The following GTF2B variants were observed in gnomAD, a reference collection of about 807,000 sequenced individuals.
GTF2B encodes general transcription factor IIB, also known as transcription initiation factor IIB.
In GTF2B, 20 loss-of-function variants were observed where a neutral mutation model predicts 34.6. That is an observed-to-expected ratio of 0.58 (90% confidence interval 0.41 to 0.84). GTF2B has a LOEUF of 0.84. GTF2B is among the 40% of genes least tolerant of loss of function. The probability of loss-of-function intolerance (pLI) is 0.00; values close to 1 mark genes in which losing one functional copy is unlikely to be tolerated. For synonymous variants in GTF2B, 142 were observed against 132.4 expected, an observed-to-expected ratio of 1.07 and a Z score of -0.50; for missense variants, 237 against 393.3, an observed-to-expected ratio of 0.60 and a Z score of 3.36.
intron 2 of GTF2B, among the ~76,000 whole-genome samples, chr1:88,877,689 T>C (rs1297791487): frequency 6.6e-6 from 1 of 152,216 alleles, no homozygotes; most frequent in Non-Finnish European, 1.5e-5. Flanking sequence ...CCCAGCATTC[T>C]GGGAAGCCGA....
Position 88,856,291 on chromosome 1 carries a change from C to CAAAAAAAAAAAAAAAAAAAAAA in GTF2B, c.817+914_817+915insTTTTTTTTTTTTTTTTTTTTTT, listed in dbSNP as rs1162915523. 2.3e-5 allele frequency among the ~76,000 whole-genome samples: 2 copies of CAAAAAAAAAAAAAAAAAAAAAA among 86,170 alleles called. 1 individual carries two copies. The highest frequency in any genetic ancestry group is 4.3e-5 in the Non-Finnish European group (2 of 46,120). The allele number at this position is 86,170 out of a possible 152,430, so 56.5% of individuals were successfully genotyped here. A position where few individuals can be genotyped will look rare whatever the true frequency, so the allele number is the denominator to read the frequency against. On this transcript the variant is annotated intron_variant, in intron 6 of 6. Transcript: ENST00000370500. ...CAAAAACAAAAAAAAAAAAAAAAAACAAAAAAAAAAAAGGAAAAGAAATTC... is the reference window on the plus strand; with the variant it reads ...CAAAAACAAAAAAAAAAAAAAAAAACAAAAAAAAAAAAAAAAAAAAAAAAAAAAAAAAAAGGAAAAGAAATTC...
chr1:88,853,403 A>G, intron 6 of GTF2B, 57 bp from the exon 7 acceptor site: 1 of 1,476,426 alleles, frequency 6.8e-7, no homozygotes, highest in Non-Finnish European at 9.4e-7. Flanking sequence ...CCTTTCCACT[A>G]CCTGCATTGT....
At position 88,853,188 on chromosome 1, in the gene GTF2B, A is replaced by G; in HGVS notation, c.*25T>C. On this transcript the variant is annotated 3_prime_UTR_variant, in exon 7 of 7. Transcript: ENST00000370500. ...TACAACAGGCAAAGTTTTGTATTCAAGAATTTGACGTTAGCTGCCTCAATT... is the reference window on the plus strand; with the variant it reads ...TACAACAGGCAAAGTTTTGTATTCAGGAATTTGACGTTAGCTGCCTCAATT... 1 of 1,611,890 alleles carries G rather than the reference A, an allele frequency of 6.2e-7. No homozygotes were observed.
At position 88,857,504 on chromosome 1, in the gene GTF2B, T is replaced by G. The variant is rs1557652677; in HGVS notation, c.536-17A>C. On this transcript the variant is annotated splice_polypyrimidine_tract_variant and intron_variant, in intron 5 of 6. Coordinates refer to ENST00000370500, the MANE Select transcript of GTF2B (RefSeq NM_001514.6). ...CACATATTTCTAAAAGAAAAAAAAT[T>G]AAATAAATCAATTCACTTAAGCCAT... 1 of 1,371,008 alleles carries G rather than the reference T, an allele frequency of 7.3e-7. No individual in the cohort carries two copies. Among genetic ancestry groups the G allele is most frequent in the South Asian group, 1.2e-5 (1 of 82,560 alleles). The allele number at this position is 1,371,008 out of a possible 1,614,324, so 84.9% of individuals were successfully genotyped here. A position where few individuals can be genotyped will look rare whatever the true frequency, so the allele number is the denominator to read the frequency against.
chr1:88,880,048 G>C (rs1400265097), intron 2 of GTF2B, among the ~76,000 whole-genome samples: 1 of 151,806 alleles, frequency 6.6e-6, no homozygotes, highest in Non-Finnish European at 1.5e-5. Flanking sequence ...GACAGAGCAA[G>C]ACTCCTCCAT....
At chr1:88,866,431 C>A (rs1432629528) in intron 2 of GTF2B, among the ~76,000 whole-genome samples, 3 of 151,996 alleles carry the variant, frequency 2.0e-5, no homozygotes, top group Non-Finnish European at 4.4e-5. Context: ...TTTTTTCAGA[C>A]AGGGTCTCAC....
intron 3 of GTF2B, 22 bp downstream of exon 3, chr1:88,863,959 T>C: frequency 6.2e-7 from 1 of 1,611,368 alleles, no homozygotes. Context: ...AATTGGTATT[T>C]CCTGCCAAAT....
At chr1:88,870,083 A>ACG (rs1673654542) in intron 2 of GTF2B, among the ~76,000 whole-genome samples, 1 of 151,786 alleles carries the variant, frequency 6.6e-6, no homozygotes, top group African/African-American at 2.4e-5. Flanking sequence ...GCCCACCACC[A>ACG]CGCCTGGCTA....
At chr1:88,862,810 T>C (rs983644399) in intron 3 of GTF2B, among the ~76,000 whole-genome samples, 2 of 152,046 alleles carry the variant, frequency 1.3e-5, no homozygotes, top group African/African-American at 2.4e-5. Context: ...GCCCAGCTAC[T>C]TTTTGTATTT....
intron 3 of GTF2B, among the ~76,000 whole-genome samples, chr1:88,861,621 G>A (rs897632475): frequency 6.6e-6 from 1 of 152,166 alleles, no homozygotes; most frequent in Admixed American, 6.6e-5. Flanking sequence ...CAGAGATCGT[G>A]CCATTGCACT....
At chr1:88,860,700 C>T (rs1673413631) in intron 3 of GTF2B, among the ~76,000 whole-genome samples, 1 of 152,056 alleles carries the variant, frequency 6.6e-6, no homozygotes, top group African/African-American at 2.4e-5. Context: ...GAAGAAAAAT[C>T]ATGATCATCT....
chr1:88,886,082 T>C (rs1417584149), intron 2 of GTF2B, among the ~76,000 whole-genome samples: 1 of 152,210 alleles, frequency 6.6e-6, no homozygotes, highest in Non-Finnish European at 1.5e-5. Flanking sequence ...GTAAATCATT[T>C]AGAATAGTGC....
rs778548042 is a variant in GTF2B, at chr1:88,887,259, A to C, written c.124+2T>G. ...TAAATTAAAACCATAATAACAACTC[A>C]CCTACAACCAAGCCACATTCAGGAC... is the stretch of plus-strand genomic sequence containing the variant. On this transcript the variant is annotated splice_donor_variant, in intron 2 of 6. Coordinates refer to ENST00000370500, the MANE Select transcript of GTF2B (RefSeq NM_001514.6). LOFTEE classifies it high-confidence loss of function. 2 of 1,566,502 alleles carry C rather than the reference A, an allele frequency of 1.3e-6. No homozygotes were observed. The highest frequency in any genetic ancestry group is 1.8e-6 in the Non-Finnish European group (2 of 1,137,598).
intron 1 of GTF2B, among the ~76,000 whole-genome samples, chr1:88,888,787 G>C (rs1053748356): frequency 2.0e-5 from 3 of 152,162 alleles, no homozygotes; most frequent in Non-Finnish European, 4.4e-5. Flanking sequence ...AATACTAACA[G>C]AATCTAGACA....
At chr1:88,886,731 C>T (rs1478624578) in intron 2 of GTF2B, among the ~76,000 whole-genome samples, 1 of 152,064 alleles carries the variant, frequency 6.6e-6, no homozygotes, top group African/African-American at 2.4e-5. Context: ...TGGATTAGCT[C>T]CCACCCCACA....
intron 2 of GTF2B, among the ~76,000 whole-genome samples, chr1:88,867,566 G>A (rs1673590265): frequency 6.6e-6 from 1 of 152,106 alleles, no homozygotes; most frequent in Non-Finnish European, 1.5e-5. Context: ...ATCAACAAAT[G>A]TCATCAATAA....
chr1:88,874,189 T>C (rs1206012568), intron 2 of GTF2B, among the ~76,000 whole-genome samples: 1 of 152,086 alleles, frequency 6.6e-6, no homozygotes, highest in Admixed American at 6.5e-5. Flanking sequence ...GCAGGGGAAA[T>C]TGCAACACAC....
intron 2 of GTF2B, among the ~76,000 whole-genome samples, chr1:88,869,244 C>T (rs1010791903): frequency 5.3e-5 from 8 of 152,118 alleles, no homozygotes; most frequent in African/African-American, 9.7e-5. Flanking sequence ...TGTGCATGGG[C>T]AAATACTACG....
intron 6 of GTF2B, among the ~76,000 whole-genome samples, chr1:88,855,828 G>A (rs1431749080): frequency 6.6e-6 from 1 of 150,788 alleles, no homozygotes; most frequent in African/African-American, 2.5e-5. Flanking sequence ...TAATTTTTTT[G>A]TGTTTTTAGT....
Sources: gnomAD v4.1 joint callset for allele counts (sites outside exome capture counted in the v4.1 genomes callset) on GRCh38, gnomAD v4.1.1 for gene constraint, MANE v1.5 for transcripts, NCBI Gene and HGNC (gene_info 2026-07-23, HGNC 2026-07-21) for gene names.